Variants in TPCN1 observed in about 807,000 individuals in gnomAD.
The protein encoded by TPCN1 is two pore channel protein 1.
TPCN1 carries 52 observed loss-of-function variants against 108.8 expected under a neutral mutation model. That is an observed-to-expected ratio of 0.48 (90% CI 0.38 to 0.60). TPCN1 has a LOEUF of 0.60. TPCN1 is among the 20% of genes least tolerant of loss of function. The probability of loss-of-function intolerance (pLI) is 0.00; values close to 1 mark genes in which losing one functional copy is unlikely to be tolerated. For missense variants in TPCN1, 806 were observed against 1,072.8 expected, an observed-to-expected ratio of 0.75 and a Z score of 3.47; for synonymous variants, 446 against 433.7, an observed-to-expected ratio of 1.03 and a Z score of -0.35.
At chr12:113,259,040 G>C (rs552795539) in intron 2 of TPCN1, among the ~76,000 whole-genome samples, 5 of 150,618 alleles carry the variant, frequency 3.3e-5, no homozygotes, top group Non-Finnish European at 7.4e-5. Context: ...GTAGTGATGC[G>C]ATTTTGGCTC....
At chr12:113,277,700 C>T (rs910749679) in intron 12 of TPCN1, among the ~76,000 whole-genome samples, 1 of 152,108 alleles carries the variant, frequency 6.6e-6, no homozygotes, top group Non-Finnish European at 1.5e-5. Context: ...TTCCCCAATC[C>T]CCTGCACACA....
intron 15 of TPCN1, among the ~76,000 whole-genome samples, chr12:113,283,267 C>T (rs1013489543): frequency 3.3e-5 from 5 of 152,178 alleles, no homozygotes; most frequent in African/African-American, 1.2e-4. Context: ...CTGTCTTAAA[C>T]AATAGCATAT....
intron 4 of TPCN1, among the ~76,000 whole-genome samples, chr12:113,267,490 C>T (rs1043950800): frequency 6.6e-6 from 1 of 152,066 alleles, no homozygotes; most frequent in African/African-American, 2.4e-5. Context: ...CATCTGCCTC[C>T]TGTGCTCAAG....
chr12:113,266,154 T>C lies in TPCN1; in HGVS notation c.238-26T>C. 6.2e-7 allele frequency: 1 copy of C among 1,612,602 alleles called. No homozygotes were observed. Among genetic ancestry groups the C allele is most frequent in the Non-Finnish European group, 8.5e-7 (1 of 1,179,098 alleles). ...CGTTGGATGGGTCTCCAGGCTTACA[T>C]GCCCACACTACTCTCATCTTTTCAG... is the stretch of plus-strand genomic sequence containing the variant. On this transcript the variant is annotated intron_variant, in intron 3 of 27. Coordinates refer to ENST00000335509, the MANE Select transcript of TPCN1 (RefSeq NM_017901.6). The surrounding 1 kb of genome is among the most constrained non-coding windows in gnomAD (Gnocchi z 4.2).
chr12:113,279,853 T>G (rs1955829877), intron 14 of TPCN1, among the ~76,000 whole-genome samples: 1 of 152,184 alleles, frequency 6.6e-6, no homozygotes, highest in African/African-American at 2.4e-5. Context: ...CATGCCAGTT[T>G]CAGCAGTGAT....
intron 15 of TPCN1, among the ~76,000 whole-genome samples, chr12:113,281,753 G>T (rs935259374): frequency 1.3e-5 from 2 of 151,938 alleles, no homozygotes; most frequent in African/African-American, 4.8e-5. Flanking sequence ...TGCCCAGGCT[G>T]GTCTCAAGCT....
At chr12:113,241,530 A>G (rs1330942491) in intron 2 of TPCN1, among the ~76,000 whole-genome samples, 1 of 152,182 alleles carries the variant, frequency 6.6e-6, no homozygotes, top group African/African-American at 2.4e-5. Flanking sequence ...TCTCAAGCCA[A>G]ACTTGTTCTT....
chr12:113,226,852 C>T lies in TPCN1; in HGVS notation c.-1C>T. ...TCCTGAGGGCCACAGGAGAAGAGAA[C>T]ATGGCTGTGAGTTTGGATGACGACG... On this transcript the variant is annotated 5_prime_UTR_variant, in exon 2 of 28. Coordinates refer to ENST00000335509, the MANE Select transcript of TPCN1 (RefSeq NM_017901.6). 6.2e-7 allele frequency: 1 copy of T among 1,614,168 alleles called. No homozygotes were observed. Among genetic ancestry groups the T allele is most frequent in the Middle Eastern group, 1.6e-4 (1 of 6,062 alleles).
rs1015641212 is a variant in TPCN1 at position 113,288,574 on chromosome 12, AC to A, written c.1707-183del. On this transcript the variant is annotated intron_variant, in intron 20 of 27. Coordinates refer to ENST00000335509, the MANE Select transcript of TPCN1 (RefSeq NM_017901.6). The surrounding 1 kb of genome is among the most constrained non-coding windows in gnomAD (Gnocchi z 4.8). ...AGGGGCATTTGTTCATAGCGTCCTGACTTGAGCTGTTTTTCACCCCAGAGCT... is the reference window on the plus strand; with the variant it reads ...AGGGGCATTTGTTCATAGCGTCCTGATTGAGCTGTTTTTCACCCCAGAGCT... 1.1e-5 allele frequency: 16 copies of A among 1,469,410 alleles called. No individual in the cohort carries two copies. The highest frequency in any genetic ancestry group is 1.3e-5 in the Non-Finnish European group (15 of 1,113,020). 91.0% of individuals were successfully genotyped at this position (1,469,410 alleles called of 1,614,324 possible). A position where few individuals can be genotyped will look rare whatever the true frequency, so the allele number is the denominator to read the frequency against.
chr12:113,271,546 C>T (rs894857819), intron 7 of TPCN1, among the ~76,000 whole-genome samples: 3 of 152,138 alleles, frequency 2.0e-5, no homozygotes, highest in Admixed American at 2.0e-4. Context: ...TATGGGTGTC[C>T]GCTTCTACAC....
chr12:113,242,113 C>A (rs1465468163), intron 2 of TPCN1, among the ~76,000 whole-genome samples: 1 of 152,178 alleles, frequency 6.6e-6, no homozygotes, highest in Non-Finnish European at 1.5e-5. Flanking sequence ...GAGGATTAGA[C>A]AATAAAAATG....
At chr12:113,263,606 G>A (rs547056732) in intron 3 of TPCN1, among the ~76,000 whole-genome samples, 1 of 152,364 alleles carries the variant, frequency 6.6e-6, no homozygotes, top group East Asian at 1.9e-4. Flanking sequence ...TGCGGGTCCT[G>A]CAGTGAGCCA....
intron 3 of TPCN1, among the ~76,000 whole-genome samples, chr12:113,264,687 AG>A (rs1361079012): frequency 1.1e-4 from 17 of 150,826 alleles, no homozygotes; most frequent in Admixed American, 8.6e-4. Flanking sequence ...TCAAAAAAAA[AG>A]AAAAAAAAAA....
rs894665298 is a variant in TPCN1, at chr12:113,290,122, G to A, written c.1797-6G>A. 15 of 1,570,680 alleles carry A rather than the reference G, an allele frequency of 9.6e-6. No homozygotes were observed. The highest frequency in any genetic ancestry group is 1.4e-5 in the African/African-American group (1 of 74,032). The stretch of plus-strand genomic sequence containing the variant: ...CTCCCTCCTTTCTCCCTTGTGCTCC[G>A]GCCAGCACGAGTACAGTGGCAGATG... On this transcript the variant is annotated splice_region_variant and splice_polypyrimidine_tract_variant and intron_variant, in intron 21 of 27. Transcript: ENST00000335509.
intron 2 of TPCN1, among the ~76,000 whole-genome samples, chr12:113,227,596 C>T (rs1056123798): frequency 2.0e-5 from 3 of 152,158 alleles, no homozygotes; most frequent in African/African-American, 7.2e-5. Context: ...CCTTGAAAAC[C>T]TTTCTGGTTC....
intron 2 of TPCN1, among the ~76,000 whole-genome samples, chr12:113,245,224 G>A (rs1052460096): frequency 6.6e-6 from 1 of 151,794 alleles, no homozygotes; most frequent in South Asian, 2.1e-4. Flanking sequence ...AGCCATGATC[G>A]CACCACTGCA....
chr12:113,254,844 A>G (rs946854225), intron 2 of TPCN1, among the ~76,000 whole-genome samples: 1 of 152,218 alleles, frequency 6.6e-6, no homozygotes, highest in Non-Finnish European at 1.5e-5. Context: ...ACAAAATGCA[A>G]CACCCATTCA....
intron 7 of TPCN1, among the ~76,000 whole-genome samples, chr12:113,271,640 G>A (rs1328532607): frequency 6.6e-6 from 1 of 152,164 alleles, no homozygotes; most frequent in Non-Finnish European, 1.5e-5. Context: ...TCACTGGAGC[G>A]GAGCAAGTAT....
intron 19 of TPCN1, chr12:113,287,471 T>C (rs907568719): frequency 5.0e-6 from 1 of 199,332 alleles, no homozygotes; most frequent in African/African-American, 2.3e-5. Flanking sequence ...CAGCGTCTTA[T>C]GGAGAAAAAC....
Sources: allele counts gnomAD v4.1 joint callset (sites outside exome capture counted in the v4.1 genomes callset), GRCh38; gene constraint gnomAD v4.1.1; non-coding constraint Gnocchi (gnomAD v3.1); transcripts MANE v1.5; gene names NCBI Gene and HGNC (gene_info 2026-07-23, HGNC 2026-07-21).